ITGA2B: variants seen among roughly 807,000 people sequenced by gnomAD.
ITGA2B encodes the protein integrin subunit alpha 2b, also known as integrin alpha-IIb.
A neutral mutation model predicts 142.0 loss-of-function variants in ITGA2B; 91 were observed. The ratio of observed to expected loss-of-function variants is 0.64; its 90% CI spans 0.54 to 0.76. The LOEUF is 0.76. Among genes scored for constraint, ITGA2B ranks in the 30% least tolerant of loss-of-function variants. The pLI, the probability that ITGA2B is intolerant of heterozygous loss-of-function variation, is 0.00. For synonymous variants in ITGA2B, 536 were observed against 567.2 expected (o/e 0.94, Z 0.78); for missense variants, 1,231 against 1,350.8 (o/e 0.91, Z 1.39).
chr17:44,380,731 C>G lies in ITGA2B; in HGVS notation c.1394-86G>C, dbSNP rs768311907. ...TTCCCAGGGGTTCCCCACACCACCT[C>G]CCCCACTGGAGGTTTCACCCAGCCC... On this transcript the variant is annotated intron_variant, in intron 13 of 29. Transcript: ENST00000262407. 56 of 1,597,480 alleles carry G rather than the reference C, an allele frequency of 3.5e-5. No homozygotes were observed. In the Admixed American group the frequency reaches 9.2e-4, roughly 26 times the overall value.
chr17:44,375,793 G>A (rs1188398637), intron 25 of ITGA2B, 40 bp downstream of exon 25: 1 of 1,558,224 alleles, frequency 6.4e-7, no homozygotes. Flanking sequence ...TGGTTGGTCT[G>A]GGGCCGCCTT....
intron 21 of ITGA2B, 55 bp downstream of exon 21, chr17:44,377,643 C>A: frequency 7.5e-7 from 1 of 1,338,340 alleles, no homozygotes; most frequent in East Asian, 2.3e-5. Flanking sequence ...CCCCTAAAAT[C>A]TGGTTATTCA....
intron 26 of ITGA2B, 180 bp downstream of exon 26, chr17:44,375,411 G>T: frequency 1.4e-6 from 1 of 733,968 alleles, no homozygotes; most frequent in South Asian, 1.9e-5. Context: ...AAGTGCAAGT[G>T]TCTTTCAGCT....
At chr17:44,372,724 G>T (rs1311384251) in intron 29 of ITGA2B, among the ~76,000 whole-genome samples, 3 of 152,000 alleles carry the variant, frequency 2.0e-5, no homozygotes, top group African/African-American at 7.3e-5. Context: ...CACCTCCCGG[G>T]TTCAAACAAT....
intron 21 of ITGA2B, 78 bp from the exon 22 acceptor site, chr17:44,377,166 C>T (rs2048552396): frequency 5.1e-6 from 5 of 989,012 alleles, no homozygotes; most frequent in Non-Finnish European, 7.8e-6. Context: ...GGCCTCCAGT[C>T]TTCACCCTCC....
intron 26 of ITGA2B, 155 bp downstream of exon 26, chr17:44,375,436 G>A (rs895094526): frequency 3.4e-6 from 3 of 886,024 alleles, no homozygotes; most frequent in East Asian, 5.2e-5. Flanking sequence ...CCAGACACAA[G>A]CCAGCATGCT....
Position 44,374,716 on chromosome 17 carries a change from G to A in ITGA2B, c.2886C>T (p.Asn962=). ...QFVLQSHAWF[N]VSSLPYAVPP... is the part of the protein sequence containing the mutation. The stretch of plus-strand genomic sequence containing the variant: ...GCACCGCATAGGGGAGGGAGGACAC[G>A]TTGAACCATGCGTGCGACTGCAGCA... The change falls in exon 28 of 30, where the codon AAC becomes AAT. Residue 962 remains asparagine, a synonymous_variant. Coordinates refer to ENST00000262407, the MANE Select transcript of ITGA2B (RefSeq NM_000419.5). 1.9e-6 allele frequency: 3 copies of A among 1,614,102 alleles called. No homozygotes were observed. The highest frequency in any genetic ancestry group is 1.1e-5 in the South Asian group (1 of 91,088).
In ITGA2B at chr17:44,384,158, G is replaced by A. The variant is rs374383430; in HGVS notation, c.892-20C>T. 4.9e-5 allele frequency: 79 copies of A among 1,612,112 alleles called. No individual in the cohort carries two copies. The African/African-American group carries it at 9.9e-4, about 20-fold the overall frequency. On this transcript the variant is annotated intron_variant, in intron 9 of 29. Transcript: ENST00000262407. ...TTCCACCTGCACGGACAGCGCAGGC[G>A]AGAGCATCATTCTTGTACCCAAAGC...
At chr17:44,384,283 C>T (rs1210510666) in intron 9 of ITGA2B, 28 bp downstream of exon 9, 4 of 1,612,552 alleles carry the variant, frequency 2.5e-6, no homozygotes, top group East Asian at 2.2e-5. Flanking sequence ...TAAGGGGCTT[C>T]GGGAGGCCCA....
chr17:44,376,376 C>T lies in ITGA2B; in HGVS notation c.2280G>A (p.Gln760=). ...GCAGCACAATCTTGCTGTTTGGATT[C>T]TGGCTGTTCTTGCTAGAGGGGAGGG... ...FQLQIRSKNS[Q]NPNSKIVLLD... Residue 760 remains glutamine, a synonymous_variant, in exon 23 of 30, where the codon CAG becomes CAA. Transcript: ENST00000262407. 1.2e-6 allele frequency: 2 copies of T among 1,614,180 alleles called. No homozygotes were observed. The highest frequency in any genetic ancestry group is 1.7e-6 in the Non-Finnish European group (2 of 1,180,038).
intron 26 of ITGA2B, 186 bp downstream of exon 26, chr17:44,375,405 G>T: frequency 2.8e-6 from 2 of 707,670 alleles, no homozygotes; most frequent in South Asian, 1.9e-5. Flanking sequence ...TTTAAAAAGT[G>T]CAAGTGTCTT....
At position 44,380,276 on chromosome 17, in the gene ITGA2B, C is replaced by T. The variant is rs2048583404; in HGVS notation, c.1570G>A (p.Ala524Thr). 1.2e-6 allele frequency: 2 copies of T among 1,614,248 alleles called. No individual in the cohort carries two copies. The highest frequency in any genetic ancestry group is 1.7e-6 in the Non-Finnish European group (2 of 1,180,042). ...TTCTGAGGAATGTTGTGCCCAGTGGCTCCAACACACATCTGGATGTTGAAG... is the reference window on the plus strand; with the variant it reads ...TTCTGAGGAATGTTGTGCCCAGTGGTTCCAACACACATCTGGATGTTGAAG... ...SCFNIQMCVG[A>T]TGHNIPQKLS... The change falls in exon 16 of 30, where the codon GCC (alanine) becomes ACC (threonine). Residue 524 changes from alanine to threonine, a missense_variant. Physicochemically the swap from Ala to Thr is moderately conservative, Grantham distance 58. This residue lies in a region of ITGA2B where 908 missense variants were observed against 1,021.1 expected (regional missense o/e 0.89). Transcript: ENST00000262407.
At position 44,385,817 on chromosome 17, in the gene ITGA2B, G is replaced by T; in HGVS notation, c.408+7C>A. 1 of 1,604,822 alleles carries T rather than the reference G, an allele frequency of 6.2e-7. No individual in the cohort carries two copies. On this transcript the variant is annotated splice_region_variant and intron_variant, in intron 3 of 29. Coordinates refer to ENST00000262407, the MANE Select transcript of ITGA2B (RefSeq NM_000419.5). ...TTGTTCCCTGTGCCCTGTACCGCGGGGCCCACCACAATGACGTCGCTCCAG... is the reference window on the plus strand; with the variant it reads ...TTGTTCCCTGTGCCCTGTACCGCGGTGCCCACCACAATGACGTCGCTCCAG...
At position 44,380,475 on chromosome 17, in the gene ITGA2B, C is replaced by T; in HGVS notation, c.1455G>A (p.Val485=). The change falls in exon 15 of 30, where the codon GTG becomes GTA. Residue 485 remains valine, a synonymous_variant. Transcript: ENST00000262407. ...QVAVYRAQPV[V]KASVQLLVQD... ...GCACCAGTAGCTGGACAGAGGCCTT[C>T]ACCACTGGCTGAGCTCTGATGGGAT... 2 of 1,614,116 alleles carry T rather than the reference C, an allele frequency of 1.2e-6. No homozygotes were observed. The highest frequency in any genetic ancestry group is 2.2e-5 in the East Asian group (1 of 44,884).
intron 25 of ITGA2B, 33 bp from the exon 26 acceptor site, chr17:44,375,749 C>G (rs549259950): frequency 1.9e-6 from 3 of 1,558,812 alleles, no homozygotes; most frequent in African/African-American, 1.4e-5. Context: ...AGGCCCAGGT[C>G]TCCCCCGAAC....
chr17:44,384,577 C>T lies in ITGA2B; in HGVS notation c.808G>A (p.Val270Met). 1 of 1,614,078 alleles carries T rather than the reference C, an allele frequency of 6.2e-7. No homozygotes were observed. Among genetic ancestry groups the T allele is most frequent in the Non-Finnish European group, 8.5e-7 (1 of 1,180,038 alleles). ...TCCCCGTCGAACTCGCCCACGGCCA[C>T]CGAGTACCCTGAGGACAAGGGCGCA... ...EYFDGYWGYS[V>M]AVGEFDGDLN... The change falls in exon 8 of 30, where the codon GTG (valine) becomes ATG (methionine). Residue 270 changes from valine to methionine, a missense_variant. Physicochemically the swap from Val to Met is conservative, Grantham distance 21. Coordinates refer to ENST00000262407, the MANE Select transcript of ITGA2B (RefSeq NM_000419.5).
intron 26 of ITGA2B, 66 bp from the exon 27 acceptor site, chr17:44,375,177 T>G: frequency 7.4e-7 from 1 of 1,358,306 alleles, no homozygotes; most frequent in Non-Finnish European, 1.0e-6. Context: ...CCCACCCCCT[T>G]ACCCCCAGGA....
chr17:44,375,905 C>T lies in ITGA2B; in HGVS notation c.2529G>A (p.Leu843=), dbSNP rs1371328766. ...GGGGCTGTATATCCAGGATGTAGAG[C>T]AGGTCGGAGGGCTGGGACTGTCCCG... ...HLPGQSQPSD[L]LYILDIQPQG... is the part of the protein sequence containing the mutation. The change falls in exon 25 of 30, where the codon CTG becomes CTA. Residue 843 remains leucine, a synonymous_variant. Coordinates refer to ENST00000262407, the MANE Select transcript of ITGA2B (RefSeq NM_000419.5). The T allele has an allele frequency of 2.5e-6, 4 of 1,612,328 alleles. No individual in the cohort carries two copies. Among genetic ancestry groups the T allele is most frequent in the Non-Finnish European group, 3.4e-6 (4 of 1,179,398 alleles).
At chr17:44,387,199 C>T (rs563747499) in intron 1 of ITGA2B, among the ~76,000 whole-genome samples, 116 of 152,198 alleles carry the variant, frequency 7.6e-4, no homozygotes, top group Non-Finnish European at 1.4e-3. Flanking sequence ...CAACACCCCA[C>T]GAGCTTTGGA....
Sources: gnomAD v4.1 joint callset for allele counts (sites outside exome capture counted in the v4.1 genomes callset) on GRCh38, gnomAD v4.1.1 for gene constraint, gnomAD v4.1.1 regional missense constraint, MANE v1.5 for transcripts, NCBI Gene and HGNC (gene_info 2026-07-23, HGNC 2026-07-21) for gene names.